Variants in CPXM2 observed in about 807,000 individuals in gnomAD.
The protein encoded by CPXM2 is carboxypeptidase X, M14 family member 2.
In CPXM2, 66 loss-of-function variants were observed where a neutral mutation model predicts 86.1. The observed-to-expected ratio is 0.77, with a 90% CI of 0.63 to 0.94. The LOEUF is 0.94. CPXM2 is among the 40% of genes least tolerant of loss of function. CPXM2 has a pLI of 0.00. For synonymous variants in CPXM2, 388 were observed against 400.2 expected (o/e 0.97, Z 0.36); for missense variants, 948 against 1,026.3 (o/e 0.92, Z 1.04).
chr10:123,862,817 C>T, intron 2 of CPXM2, 94 bp from the exon 3 acceptor site: 3 of 994,572 alleles, frequency 3.0e-6, no homozygotes, highest in South Asian at 2.8e-5. Flanking sequence ...TTTCCATTTT[C>T]CCCTGAACTC....
chr10:123,797,707 C>A (rs1001289701), intron 6 of CPXM2, among the ~76,000 whole-genome samples: 1 of 151,990 alleles, frequency 6.6e-6, no homozygotes, highest in Non-Finnish European at 1.5e-5. Flanking sequence ...TACAGGCTCA[C>A]TCCACCATGC....
chr10:123,754,907 C>G lies in CPXM2; in HGVS notation c.1918-145G>C, dbSNP rs1280722361. 2 of 639,252 alleles carry G rather than the reference C, an allele frequency of 3.1e-6. No homozygotes were observed. Among genetic ancestry groups the G allele is most frequent in the East Asian group, 5.1e-5 (2 of 39,166 alleles). 39.6% of individuals were successfully genotyped at this position (639,252 alleles called of 1,614,324 possible). ...CACGTCTTGCTCAGAAGGCTTGGAACCGAAAAGCAGTTCATTGCTCACTGC... is the reference window on the plus strand; with the variant it reads ...CACGTCTTGCTCAGAAGGCTTGGAAGCGAAAAGCAGTTCATTGCTCACTGC... On this transcript the variant is annotated intron_variant, in intron 12 of 13. Transcript: ENST00000241305. The surrounding 1 kb of genome is among the most constrained non-coding windows in gnomAD (Gnocchi z 4.0).
rs567747638 is a variant in CPXM2, at chr10:123,751,404, C to T, written c.2017+3259G>A. ...ACATTCCCTTGTTATCTACCCTTTG[C>T]CCTTCCGAAGTTTTGCAAAACGTCC... On this transcript the variant is annotated intron_variant, in intron 13 of 13. Transcript: ENST00000241305. 12 of 498,062 alleles carry T rather than the reference C, an allele frequency of 2.4e-5. No homozygotes were observed. In the African/African-American group the frequency reaches 2.5e-4, roughly 10 times the overall value. 30.9% of individuals were successfully genotyped at this position (498,062 alleles called of 1,614,324 possible). A position where few individuals can be genotyped will look rare whatever the true frequency, so the allele number is the denominator to read the frequency against.
chr10:123,836,570 C>T (rs915677486), intron 4 of CPXM2, among the ~76,000 whole-genome samples: 5 of 152,216 alleles, frequency 3.3e-5, no homozygotes, highest in Non-Finnish European at 5.9e-5. Flanking sequence ...CCAACACCCA[C>T]AGAGCCCTCT....
chr10:123,891,563 G>C lies in CPXM2; in HGVS notation c.97C>G (p.Pro33Ala). ...CAGATCTCCTGCCCGTAATAATCAGGGTCCTCGAGGGCTGCGCCCTGGGCT... is the reference window on the plus strand; with the variant it reads ...CAGATCTCCTGCCCGTAATAATCAGCGTCCTCGAGGGCTGCGCCCTGGGCT... ...VGAQGAALED[P>A]DYYGQEIWSR... is the part of the protein sequence containing the mutation. Residue 33 changes from proline to alanine, a missense_variant, in exon 1 of 14, where the codon CCT becomes GCT. Pro to Ala is a conservative substitution (Grantham distance 27). Coordinates refer to ENST00000241305, the MANE Select transcript of CPXM2 (RefSeq NM_198148.3). The surrounding 1 kb of genome is among the most constrained non-coding windows in gnomAD (Gnocchi z 5.6). The C allele has an allele frequency of 6.5e-7, 1 of 1,546,138 alleles. No homozygotes were observed. The highest frequency in any genetic ancestry group is 8.7e-7 in the Non-Finnish European group (1 of 1,144,552).
At chr10:123,855,924 C>T (rs1450039791) in intron 3 of CPXM2, among the ~76,000 whole-genome samples, 1 of 152,136 alleles carries the variant, frequency 6.6e-6, no homozygotes, top group Non-Finnish European at 1.5e-5. Context: ...GGAAGAGCTG[C>T]AAGAGGTGAG....
chr10:123,905,141 G>A (rs1945426680), intron 2 of CPXM2, among the ~76,000 whole-genome samples: 1 of 152,332 alleles, frequency 6.6e-6, no homozygotes, highest in Middle Eastern at 3.4e-3. Context: ...CTACCGCTGA[G>A]CTATACCCCC....
At chr10:123,844,317 G>A (rs1484575535) in intron 3 of CPXM2, among the ~76,000 whole-genome samples, 1 of 151,892 alleles carries the variant, frequency 6.6e-6, no homozygotes, top group Non-Finnish European at 1.5e-5. Context: ...TGAACCAAAA[G>A]GTTTGATTCT....
chr10:123,901,429 TTGTGTGTGTGTGTG>T (rs3069582), intron 2 of CPXM2, among the ~76,000 whole-genome samples: 7,925 of 139,024 alleles, frequency 0.057, 279 homozygotes, highest in East Asian at 0.19. Flanking sequence ...CCAAGCAAGT[TTGTGTGTGTGTGTG>T]TGTGTGTGTG....
intron 4 of CPXM2, among the ~76,000 whole-genome samples, chr10:123,801,374 T>C (rs1035528876): frequency 2.6e-5 from 4 of 152,200 alleles, no homozygotes; most frequent in Non-Finnish European, 5.9e-5. Context: ...GTGAGTCCAT[T>C]AAATCTCCTT....
chr10:123,765,521 T>C (rs1846450046), intron 10 of CPXM2, among the ~76,000 whole-genome samples: 1 of 152,206 alleles, frequency 6.6e-6, no homozygotes, highest in Non-Finnish European at 1.5e-5. Context: ...AAGTATAACA[T>C]AGCTCGAATT....
chr10:123,746,080 C>G lies in CPXM2; in HGVS notation c.*684G>C, dbSNP rs1324589575. The G allele has an allele frequency of 6.6e-6, 1 of 152,132 alleles. No individual in the cohort carries two copies. The highest frequency in any genetic ancestry group is 2.4e-5 in the African/African-American group (1 of 41,428). 9.4% of individuals were successfully genotyped at this position (152,132 alleles called of 1,614,324 possible). A position where few individuals can be genotyped will look rare whatever the true frequency, so the allele number is the denominator to read the frequency against. On this transcript the variant is annotated 3_prime_UTR_variant, in exon 14 of 14. Transcript: ENST00000241305. ...GGGACTTTGGGGGTTGTTTATGGAC[C>G]CAGAATTTGTGCAAGAAGCTCCATG...
At chr10:123,910,521 C>G (rs28686774) in intron 2 of CPXM2, among the ~76,000 whole-genome samples, 74,898 of 151,604 alleles carry the variant, frequency 0.49, 18,731 homozygotes, top group Middle Eastern at 0.59. Flanking sequence ...TTCTTCACTT[C>G]CCGTCAGCAA....
At chr10:123,791,044 C>T (rs1030777681) in intron 6 of CPXM2, among the ~76,000 whole-genome samples, 6 of 152,134 alleles carry the variant, frequency 3.9e-5, no homozygotes, top group Non-Finnish European at 5.9e-5. Context: ...AGGACAGTCA[C>T]GAGTGTGTGC....
chr10:123,878,724 G>A (rs983203634), intron 2 of CPXM2, among the ~76,000 whole-genome samples: 2 of 152,142 alleles, frequency 1.3e-5, no homozygotes, highest in African/African-American at 2.4e-5. Context: ...GAAGAAATAC[G>A]TTTATTTCTT....
At chr10:123,829,023 T>C (rs1381469074) in intron 4 of CPXM2, among the ~76,000 whole-genome samples, 1 of 151,770 alleles carries the variant, frequency 6.6e-6, no homozygotes, top group Admixed American at 6.6e-5. Flanking sequence ...CTCTCAAGAG[T>C]GAAAACGTAA....
chr10:123,909,596 T>G (rs1945472159), intron 2 of CPXM2, among the ~76,000 whole-genome samples: 1 of 152,220 alleles, frequency 6.6e-6, no homozygotes, highest in Non-Finnish European at 1.5e-5. Flanking sequence ...AATATTTCTC[T>G]TTCCATTGTA....
At chr10:123,813,232 T>C (rs1417543052) in intron 4 of CPXM2, among the ~76,000 whole-genome samples, 1 of 152,238 alleles carries the variant, frequency 6.6e-6, no homozygotes, top group African/African-American at 2.4e-5. Flanking sequence ...CATTTTCTAA[T>C]AACAATTCAT....
intron 4 of CPXM2, among the ~76,000 whole-genome samples, chr10:123,819,198 G>GGGAGAGTAT (rs1344901669): frequency 6.6e-6 from 1 of 152,170 alleles, no homozygotes; most frequent in Non-Finnish European, 1.5e-5. Context: ...AAGGAAATAA[G>GGGAGAGTAT]GGAGAGTATG....
Sources: gnomAD v4.1 joint callset for allele counts (sites outside exome capture counted in the v4.1 genomes callset) on GRCh38, gnomAD v4.1.1 for gene constraint, Gnocchi (gnomAD v3.1) non-coding constraint, MANE v1.5 for transcripts, NCBI Gene and HGNC (gene_info 2026-07-23, HGNC 2026-07-21) for gene names.